Variants in TRIM34 observed in about 807,000 individuals in gnomAD.
TRIM34 encodes the protein E3 ubiquitin-protein ligase TRIM34.
Under a neutral mutation model 38.1 loss-of-function variants are expected in TRIM34, and 41 were observed. The ratio of observed to expected loss-of-function variants is 1.08; its 90% confidence interval spans 0.84 to 1.40. TRIM34 has a LOEUF of 1.40. TRIM34 is among the 40% of genes most tolerant of loss of function. The probability of loss-of-function intolerance (pLI) is 0.00; values close to 1 mark genes in which losing one functional copy is unlikely to be tolerated. For synonymous variants in TRIM34, 200 were observed against 202.5 expected (o/e 0.99, Z 0.10); for missense variants, 556 against 571.4 (o/e 0.97, Z 0.27).
chr11:5,625,479 GT>G (rs1564880882), intron 1 of TRIM34, among the ~76,000 whole-genome samples: 3 of 152,186 alleles, frequency 2.0e-5, no homozygotes, highest in African/African-American at 7.2e-5. Flanking sequence ...GGAGGTCTCT[GT>G]TTTCCAAGTG....
Position 5,642,464 on chromosome 11 carries a change from T to C in TRIM34, c.832T>C (p.Phe278Leu), listed in dbSNP as rs772702878. 10 of 1,613,904 alleles carry C rather than the reference T, an allele frequency of 6.2e-6. No individual in the cohort carries two copies. Among genetic ancestry groups the C allele is most frequent in the Non-Finnish European group, 7.6e-6 (9 of 1,180,010 alleles). ...KMVSKKLKTV[F>L]HAPDLSRMLQ... ...GGTTTCCAAGAAACTGAAGACTGTA[T>C]TCCATGCTCCAGATCTGAGTAGGAT... The change falls in exon 6 of 8, where the codon TTC (phenylalanine) becomes CTC (leucine). Residue 278 changes from phenylalanine to leucine, a missense_variant. Phe to Leu is a conservative substitution (Grantham distance 22, BLOSUM62 0). Transcript: ENST00000429814.
At chr11:5,627,100 G>T (rs1225550827) in intron 1 of TRIM34, among the ~76,000 whole-genome samples, 9 of 151,958 alleles carry the variant, frequency 5.9e-5, no homozygotes, top group Admixed American at 5.2e-4. Flanking sequence ...AGTGATGGGT[G>T]GGCACAGTAG....
At position 5,632,312 on chromosome 11, in the gene TRIM34, G is replaced by A. The variant is rs1564884447; in HGVS notation, c.-20G>A. ...AGAGCCTCAGGAGTTAGGACCAGAA[G>A]AAGCCAGGGAAGCAGTGCAATGGCT... On this transcript the variant is annotated 5_prime_UTR_variant, in exon 2 of 8. Transcript: ENST00000429814. 6.2e-7 allele frequency: 1 copy of A among 1,614,070 alleles called. No homozygotes were observed. The highest frequency in any genetic ancestry group is 8.5e-7 in the Non-Finnish European group (1 of 1,179,996).
chr11:5,640,350 T>C (rs1849954449), intron 4 of TRIM34, among the ~76,000 whole-genome samples: 1 of 152,194 alleles, frequency 6.6e-6, no homozygotes, highest in Non-Finnish European at 1.5e-5. Flanking sequence ...GAAAGTGTGC[T>C]GAATTTTGCT....
chr11:5,640,509 T>G (rs1156842757), intron 4 of TRIM34, among the ~76,000 whole-genome samples: 1 of 152,148 alleles, frequency 6.6e-6, no homozygotes, highest in Non-Finnish European at 1.5e-5. Context: ...AGGTATAATC[T>G]TTTTGCTGGA....
chr11:5,625,751 C>A (rs1028953113), intron 1 of TRIM34, among the ~76,000 whole-genome samples: 2 of 152,200 alleles, frequency 1.3e-5, no homozygotes, highest in East Asian at 3.8e-4. Context: ...CTGAACATAC[C>A]TGTTTACTTT....
intron 4 of TRIM34, among the ~76,000 whole-genome samples, chr11:5,637,130 G>T (rs1043532317): frequency 1.3e-5 from 2 of 151,902 alleles, no homozygotes; most frequent in Admixed American, 6.6e-5. Context: ...CCAAGATGGC[G>T]CCACTGCACT....
Position 5,643,514 on chromosome 11 carries a change from C to T in TRIM34, c.1272C>T (p.Leu424=). The T allele has an allele frequency of 6.2e-7, 1 of 1,614,194 alleles. No individual in the cohort carries two copies. The highest frequency in any genetic ancestry group is 1.1e-5 in the South Asian group (1 of 91,082). ...SLSSDPEVLT[L]SMAVPPCRVG... is the part of the protein sequence containing the mutation. ...CCTCTGATCCCGAGGTTTTGACTCT[C>T]TCCATGGCTGTGCCTCCCTGCCGTG... The change falls in exon 8 of 8, where the codon CTC becomes CTT. Residue 424 remains leucine (L), a synonymous_variant. Transcript: ENST00000429814.
intron 4 of TRIM34, among the ~76,000 whole-genome samples, chr11:5,639,625 A>G (rs553044811): frequency 1.4e-5 from 2 of 138,630 alleles, no homozygotes; most frequent in African/African-American, 5.3e-5. Context: ...GGTTGCAGCG[A>G]GCCAAGTTCG....
At chr11:5,633,275 C>T (rs745544692) in intron 2 of TRIM34, among the ~76,000 whole-genome samples, 5 of 151,652 alleles carry the variant, frequency 3.3e-5, no homozygotes, top group East Asian at 1.9e-4. Context: ...TTCTGAGTCC[C>T]GTGATCTTCT....
At position 5,643,283 on chromosome 11, in the gene TRIM34, G is replaced by A; in HGVS notation, c.1041G>A (p.Gly347=). 5.6e-6 allele frequency: 9 copies of A among 1,613,994 alleles called. No homozygotes were observed. The highest frequency in any genetic ancestry group is 1.1e-5 in the South Asian group (1 of 91,060). Residue 347 remains glycine, a synonymous_variant, in exon 8 of 8, where the codon GGG becomes GGA. Coordinates refer to ENST00000429814, the MANE Select transcript of TRIM34 (RefSeq NM_021616.6). ...TGGGATCCCAATATTTCTCCTCTGG[G>A]AAACATTACTGGGAAGTGGACGTGT... ...GVLGSQYFSS[G]KHYWEVDVSK... is the part of the protein sequence containing the mutation.
chr11:5,624,763 A>G (rs1849127610), upstream of TRIM34: 1 of 152,218 alleles, frequency 6.6e-6, no homozygotes, highest in Admixed American at 6.5e-5. Flanking sequence ...GACATTGCCA[A>G]ATGTGCCATC....
At chr11:5,642,566 T>A in intron 6 of TRIM34, 60 bp downstream of exon 6, 1 of 1,570,464 alleles carries the variant, frequency 6.4e-7, no homozygotes, top group Non-Finnish European at 8.7e-7. Context: ...GGTAATAAAC[T>A]GTCTAGGTGG....
At chr11:5,620,038 G>A (rs191115737), upstream of TRIM34, 955 of 151,578 alleles carry the variant, frequency 6.3e-3, 14 homozygotes, top group Non-Finnish European at 0.011. Flanking sequence ...GCAGATTTAG[G>A]CTGTTTATTC....
chr11:5,641,066 C>G (rs974440160), intron 4 of TRIM34, 101 bp from the exon 5 acceptor site: 4 of 1,447,240 alleles, frequency 2.8e-6, no homozygotes, highest in Non-Finnish European at 3.7e-6. Context: ...ATATAACTCA[C>G]TTCTGATTTT....
intron 4 of TRIM34, among the ~76,000 whole-genome samples, chr11:5,640,766 C>A (rs1849972038): frequency 6.6e-6 from 1 of 152,098 alleles, no homozygotes; most frequent in South Asian, 2.1e-4. Flanking sequence ...CCAGTGAAGC[C>A]ATCTGGGTGA....
rs1243075649 is a variant in TRIM34 at position 5,642,860 on chromosome 11, C to A, written c.901+17C>A. The A allele has an allele frequency of 3.7e-6, 6 of 1,613,660 alleles. No homozygotes were observed. Among genetic ancestry groups the A allele is most frequent in the African/African-American group, 1.3e-5 (1 of 75,022 alleles). On this transcript the variant is annotated intron_variant, in intron 7 of 7. Transcript: ENST00000429814. Reference sequence around the variant, plus strand: ...GCTACTGGGGTAAGAAAAAGTTAGTCTTTAAATAACTGTTTTCCAATTACC... The same window carrying A: ...GCTACTGGGGTAAGAAAAAGTTAGTATTTAAATAACTGTTTTCCAATTACC...
At chr11:5,640,328 T>TG (rs1849952978) in intron 4 of TRIM34, among the ~76,000 whole-genome samples, 1 of 151,060 alleles carries the variant, frequency 6.6e-6, no homozygotes, top group African/African-American at 2.5e-5. Flanking sequence ...TGTTTTGTTT[T>TG]GTTTTTTTTA....
At chr11:5,621,716 G>A (rs1162304483), upstream of TRIM34, among the ~76,000 whole-genome samples, 1 of 152,126 alleles carries the variant, frequency 6.6e-6, no homozygotes, top group Non-Finnish European at 1.5e-5. Context: ...TCTATTCAAA[G>A]TCATCCCTCT....
Sources: allele counts gnomAD v4.1 joint callset (sites outside exome capture counted in the v4.1 genomes callset), GRCh38; gene constraint gnomAD v4.1.1; transcripts MANE v1.5; gene names NCBI Gene and HGNC (gene_info 2026-07-23, HGNC 2026-07-21).